The following DAGLB variants were observed in gnomAD, a reference collection of about 807,000 sequenced individuals.
DAGLB encodes the protein diacylglycerol lipase beta.
In DAGLB, 66 loss-of-function variants were observed where a neutral mutation model predicts 72.1. The observed-to-expected ratio is 0.92, with a 90% CI of 0.75 to 1.12. The LOEUF (loss-of-function observed/expected upper bound fraction) is 1.12, where lower values mean the gene tolerates loss of function less well. Ranked by LOEUF, DAGLB falls within the 50% of genes most tolerant of loss-of-function variation. The pLI is 0.00. For missense variants in DAGLB, 1,065 were observed against 884.9 expected (o/e 1.20, Z -2.58); for synonymous variants, 414 against 359.5 (o/e 1.15, Z -1.71).
rs774711011 is a variant in DAGLB at position 6,409,852 on chromosome 7, A to C, written c.2004T>G (p.Ser668Arg). The C allele has an allele frequency of 6.2e-7, 1 of 1,613,724 alleles. No homozygotes were observed. The highest frequency in any genetic ancestry group is 8.5e-7 in the Non-Finnish European group (1 of 1,180,012). ...GTGGCCCTGGTCAGGCCACGTCCAC[A>C]CTGGAGACCCCTTGTGCTGGACAGG... Reference protein sequence around the residue: ...CVSCPAQGVSSVDVA With the variant: ...CVSCPAQGVSRVDVA The change falls in exon 15 of 15, where the codon AGT (serine) becomes AGG (arginine). Residue 668 changes from serine (S) to arginine (R), a missense_variant. Coordinates refer to ENST00000297056, the MANE Select transcript of DAGLB (RefSeq NM_139179.4).
Position 6,447,444 on chromosome 7 carries a change from G to T in DAGLB, c.95+304C>A, listed in dbSNP as rs80031670. Among the ~76,000 whole-genome samples the T allele has an allele frequency of 3.7e-3, 569 of 152,298 alleles. 3 individuals carry two copies. Among genetic ancestry groups the T allele is most frequent in the African/African-American group, 0.013 (547 of 41,558 alleles). ...CGGTAACACCCTCGTGGCACCCCAG[G>T]GCCAGGTCTCGGCGCTGCACACAAA... On this transcript the variant is annotated intron_variant, in intron 1 of 14. Transcript: ENST00000297056.
intron 1 of DAGLB, 33 bp downstream of exon 1, chr7:6,447,715 G>A: frequency 3.1e-6 from 5 of 1,601,570 alleles, no homozygotes; most frequent in Non-Finnish European, 4.3e-6. Context: ...CCTCTCCGGT[G>A]GGCTCCACCG....
intron 13 of DAGLB, chr7:6,412,477 TA>T: frequency 4.1e-6 from 1 of 242,280 alleles, no homozygotes; most frequent in Non-Finnish European, 8.0e-6. Context: ...TTTTTTTTTT[TA>T]GAATAGAGAC....
chr7:6,422,078 C>G, intron 8 of DAGLB: 1 of 536,966 alleles, frequency 1.9e-6, no homozygotes, highest in South Asian at 1.6e-5. Context: ...CCATCACACA[C>G]ACGTATTCTA....
intron 1 of DAGLB, among the ~76,000 whole-genome samples, chr7:6,446,339 G>A (rs886716792): frequency 4.0e-5 from 6 of 149,328 alleles, no homozygotes; most frequent in Admixed American, 1.3e-4. Flanking sequence ...ATAGCTGGGC[G>A]TAGTGGTGCG....
At chr7:6,447,127 T>C (rs73676754) in intron 1 of DAGLB, among the ~76,000 whole-genome samples, 2,190 of 152,322 alleles carry the variant, frequency 0.014, 59 homozygotes, top group African/African-American at 0.051. Flanking sequence ...GCGTGAGCCA[T>C]GGCGCCCAGC....
chr7:6,446,169 T>C (rs1784993660), intron 1 of DAGLB, 65 bp from the exon 2 acceptor site: 1 of 1,501,836 alleles, frequency 6.7e-7, no homozygotes, highest in African/African-American at 1.4e-5. Flanking sequence ...TAGAACATGA[T>C]ACAAAGAAAT....
intron 6 of DAGLB, among the ~76,000 whole-genome samples, chr7:6,430,252 T>TATAC (rs1554267539): frequency 1.7e-5 from 1 of 57,736 alleles, no homozygotes. Flanking sequence ...TACATGTGCA[T>TATAC]ATATATATAT....
Position 6,409,595 on chromosome 7 carries a change from C to T in DAGLB, c.*242G>A, listed in dbSNP as rs1783647870. 1 of 559,346 alleles carries T rather than the reference C, an allele frequency of 1.8e-6. No individual in the cohort carries two copies. 34.6% of individuals were successfully genotyped at this position (559,346 alleles called of 1,614,324 possible). A position where few individuals can be genotyped will look rare whatever the true frequency, so the allele number is the denominator to read the frequency against. On this transcript the variant is annotated 3_prime_UTR_variant, in exon 15 of 15. Coordinates refer to ENST00000297056, the MANE Select transcript of DAGLB (RefSeq NM_139179.4). ...GGCCAGGGCTTCCCGAGGCTGTCTCCACGGTCGCTGGGTCTCAGGAGTCGT... is the reference window on the plus strand; with the variant it reads ...GGCCAGGGCTTCCCGAGGCTGTCTCTACGGTCGCTGGGTCTCAGGAGTCGT...
intron 9 of DAGLB, among the ~76,000 whole-genome samples, chr7:6,419,001 G>A (rs1287437747): frequency 6.6e-6 from 1 of 151,368 alleles, no homozygotes; most frequent in African/African-American, 2.4e-5. Context: ...AATTCTACAA[G>A]TAGAATGCTG....
rs763137466 is a variant in DAGLB, at chr7:6,409,962, CTA to C, written c.1892_1893del (p.Ile631ArgfsTer62). On this transcript the variant is annotated frameshift_variant, in exon 15 of 15. Coordinates refer to ENST00000297056, the MANE Select transcript of DAGLB (RefSeq NM_139179.4). LOFTEE classifies it low-confidence loss of function (END_TRUNC). ...ATGTGGTCGGTGAGCATCTTCGGACCTATGAGTATTTTGCTGAATTCCGCTTC... is the reference window on the plus strand; with the variant it reads ...ATGTGGTCGGTGAGCATCTTCGGACCTGAGTATTTTGCTGAATTCCGCTTC... ...SHEAEFSKIL[I>X]GPKMLTDHMP... 8 of 1,614,150 alleles carry C rather than the reference CTA, an allele frequency of 5.0e-6. No individual in the cohort carries two copies. The highest frequency in any genetic ancestry group is 6.8e-6 in the Non-Finnish European group (8 of 1,180,040).
intron 2 of DAGLB, among the ~76,000 whole-genome samples, chr7:6,444,583 C>T (rs772510434): frequency 6.6e-6 from 1 of 151,910 alleles, no homozygotes; most frequent in Non-Finnish European, 1.5e-5. Context: ...GCCTGCGCAG[C>T]GGAGGGAGAC....
rs1365291231 is a variant in DAGLB at position 6,410,233 on chromosome 7, A to G, written c.1717T>C (p.Tyr573His). Residue 573 changes from tyrosine (Y) to histidine (H), a missense_variant, in exon 14 of 15, where the codon TAC (tyrosine) becomes CAC (histidine). By Grantham distance (83) the Tyr-to-His change is moderately conservative. Transcript: ENST00000297056. ...AGTGGGGAGTCGCTGGAGAAGCTGTAGGCCGGGGACCAGCGCGTCAGTAGG... is the reference window on the plus strand; with the variant it reads ...AGTGGGGAGTCGCTGGAGAAGCTGTGGGCCGGGGACCAGCGCGTCAGTAGG... ...QSLLTRWSPAYSFSSDSPLDS... is the reference protein window; with the variant it reads ...QSLLTRWSPAHSFSSDSPLDS... The G allele has an allele frequency of 1.2e-6, 2 of 1,612,140 alleles. No individual in the cohort carries two copies. The highest frequency in any genetic ancestry group is 1.7e-6 in the Non-Finnish European group (2 of 1,179,122).
intron 3 of DAGLB, 24 bp downstream of exon 3, chr7:6,436,338 C>G (rs1784656058): frequency 3.8e-6 from 6 of 1,586,684 alleles, no homozygotes; most frequent in African/African-American, 1.4e-5. Context: ...CACTGAAACT[C>G]AAAGAGAAGA....
rs1176733396 is a variant in DAGLB, at chr7:6,447,837, C to T, written c.6G>A (p.Pro2=). The T allele has an allele frequency of 6.2e-7, 1 of 1,611,036 alleles. No individual in the cohort carries two copies. Among genetic ancestry groups the T allele is most frequent in the African/African-American group, 1.3e-5 (1 of 74,884 alleles). The part of the protein sequence containing the change: M[P]GMVLFGRRWA... ...AGCGCCGGCCGAAGAGTACCATCCC[C>T]GGCATGGCGAAGGTCCCGTAGCTCG... Residue 2 remains proline, a synonymous_variant, in exon 1 of 15, where the codon CCG becomes CCA. Transcript: ENST00000297056.
In DAGLB at chr7:6,409,913, A is replaced by C; in HGVS notation, c.1943T>G (p.Leu648Trp). Reference sequence around the variant, plus strand: ...CGCTCTGTCGGAGACCACGCTGTCCAAGGCCCGCATCAGGATGTCTGGCAT... The same window carrying C: ...CGCTCTGTCGGAGACCACGCTGTCCCAGGCCCGCATCAGGATGTCTGGCAT... ...DHMPDILMRA[L>W]DSVVSDRAAC... The change falls in exon 15 of 15, where the codon TTG becomes TGG. Residue 648 changes from leucine (L) to tryptophan (W), a missense_variant. Physicochemically the swap from Leu to Trp is moderately conservative, Grantham distance 61. Transcript: ENST00000297056. The C allele has an allele frequency of 4.3e-6, 7 of 1,614,126 alleles. No individual in the cohort carries two copies. The highest frequency in any genetic ancestry group is 5.9e-6 in the Non-Finnish European group (7 of 1,180,038).
chr7:6,439,168 T>C (rs1437892591), intron 2 of DAGLB, among the ~76,000 whole-genome samples: 2 of 151,698 alleles, frequency 1.3e-5, no homozygotes, highest in African/African-American at 4.8e-5. Context: ...GGCAAGAGAA[T>C]TGCTTGAACC....
chr7:6,444,811 C>T (rs1784942354), intron 2 of DAGLB, among the ~76,000 whole-genome samples: 1 of 152,120 alleles, frequency 6.6e-6, no homozygotes, highest in Non-Finnish European at 1.5e-5. Context: ...GAGGCTGAGG[C>T]AGGAGAATCA....
At chr7:6,410,692 C>T (rs1164032991) in intron 13 of DAGLB, among the ~76,000 whole-genome samples, 1 of 152,114 alleles carries the variant, frequency 6.6e-6, no homozygotes, top group Non-Finnish European at 1.5e-5. Context: ...TATTTTCCGG[C>T]AATTCTGGAA....
Sources: allele counts gnomAD v4.1 joint callset (sites outside exome capture counted in the v4.1 genomes callset), GRCh38; gene constraint gnomAD v4.1.1; transcripts MANE v1.5; gene names NCBI Gene and HGNC (gene_info 2026-07-23, HGNC 2026-07-21).